Variants in KLHDC1 observed in about 807,000 individuals in gnomAD.
The protein encoded by KLHDC1 is kelch domain-containing protein 1.
In KLHDC1, 53 loss-of-function variants were observed where a neutral mutation model predicts 68.3. The observed-to-expected ratio is 0.78, with a 90% confidence interval of 0.62 to 0.98. KLHDC1 has a LOEUF of 0.98. Ranked by LOEUF, KLHDC1 falls within the 50% of genes least tolerant of loss-of-function variation. The probability of loss-of-function intolerance (pLI) is 0.00; values close to 1 mark genes in which losing one functional copy is unlikely to be tolerated. For synonymous variants in KLHDC1, 148 were observed against 159.0 expected (o/e 0.93, Z 0.52); for missense variants, 470 against 492.3 (o/e 0.95, Z 0.43).
chr14:49,709,116 T>A, intron 1 of KLHDC1, 43 bp from the exon 2 acceptor site: 1 of 830,562 alleles, frequency 1.2e-6, no homozygotes, highest in Non-Finnish European at 2.0e-6. Context: ...AACTGTTTGC[T>A]GTGTAACTGA....
intron 10 of KLHDC1, among the ~76,000 whole-genome samples, chr14:49,736,526 G>GT (rs1888933433): frequency 6.6e-6 from 1 of 152,154 alleles, no homozygotes; most frequent in Non-Finnish European, 1.5e-5. Flanking sequence ...ACAGTTGAGT[G>GT]TAAGGAGAAC....
Position 49,715,826 on chromosome 14 carries a change from A to G in KLHDC1, c.404+5445A>G, listed in dbSNP as rs190168383. ...CCTTACCTTTTAAACCTAGATGTTT[A>G]TGAGCAATGAATATTGATTTTTATT... On this transcript the variant is annotated intron_variant, in intron 4 of 12. Transcript: ENST00000359332. Among the ~76,000 whole-genome samples the G allele has an allele frequency of 2.7e-5, 4 of 148,650 alleles. No homozygotes were observed. The East Asian group carries it at 7.8e-4, about 29-fold the overall frequency.
chr14:49,714,809 A>G (rs1476736002), intron 4 of KLHDC1, among the ~76,000 whole-genome samples: 2 of 149,398 alleles, frequency 1.3e-5, no homozygotes, highest in Non-Finnish European at 3.0e-5. Flanking sequence ...GTTATATAAC[A>G]TATACTTTAG....
At chr14:49,695,425 T>C in intron 1 of KLHDC1, among the ~76,000 whole-genome samples, 1 of 151,836 alleles carries the variant, frequency 6.6e-6, no homozygotes, top group East Asian at 1.9e-4. Context: ...TCAGAGCTCT[T>C]GGGTGACTAG....
At chr14:49,714,756 C>T (rs2139743764) in intron 4 of KLHDC1, among the ~76,000 whole-genome samples, 1 of 150,998 alleles carries the variant, frequency 6.6e-6, no homozygotes, top group Admixed American at 6.6e-5. Flanking sequence ...GACTCAAATA[C>T]TCTGACTCAT....
chr14:49,751,813 T>A lies in KLHDC1; in HGVS notation c.*41T>A, dbSNP rs1889327433. On this transcript the variant is annotated 3_prime_UTR_variant, in exon 13 of 13. Transcript: ENST00000359332. ...ACATATTTAGTATGTTTTAACTTTT[T>A]AATCAGACTATACATTTACACTCCC... 1 of 1,087,774 alleles carries A rather than the reference T, an allele frequency of 9.2e-7. No individual in the cohort carries two copies. The allele number at this position is 1,087,774 out of a possible 1,614,324, so 67.4% of individuals were successfully genotyped here. A position where few individuals can be genotyped will look rare whatever the true frequency, so the allele number is the denominator to read the frequency against.
intron 8 of KLHDC1, among the ~76,000 whole-genome samples, chr14:49,729,795 G>T (rs992317468): frequency 1.3e-5 from 2 of 152,210 alleles, no homozygotes; most frequent in Non-Finnish European, 2.9e-5. Context: ...AGTTTTTGAG[G>T]ATTGATCAGT....
At chr14:49,704,856 A>C (rs1420466934) in intron 1 of KLHDC1, among the ~76,000 whole-genome samples, 1 of 152,154 alleles carries the variant, frequency 6.6e-6, no homozygotes, top group African/African-American at 2.4e-5. Context: ...CTCAATCAAT[A>C]AATATTTTAT....
intron 4 of KLHDC1, among the ~76,000 whole-genome samples, chr14:49,711,654 A>G (rs1215256114): frequency 6.6e-6 from 1 of 151,938 alleles, no homozygotes; most frequent in Non-Finnish European, 1.5e-5. Context: ...CCTAATTTCT[A>G]ACAATTCTGT....
chr14:49,702,316 A>G (rs142619638), intron 1 of KLHDC1, among the ~76,000 whole-genome samples: 105 of 152,352 alleles, frequency 6.9e-4, no homozygotes, highest in Non-Finnish European at 1.1e-3. Context: ...CAAAGATGAG[A>G]AAGAATTCTG....
chr14:49,745,684 A>G lies in KLHDC1; in HGVS notation c.1034+1879A>G, dbSNP rs547281873. ...AGAATTTGCCATGAACAAACAGTGC[A>G]AGGGTGTTAGTGTAAAGATATATAC... On this transcript the variant is annotated intron_variant, in intron 12 of 12. Coordinates refer to ENST00000359332, the MANE Select transcript of KLHDC1 (RefSeq NM_172193.3). 2.6e-4 allele frequency among the ~76,000 whole-genome samples: 40 copies of G among 152,364 alleles called. 1 individual carries two copies. The South Asian group carries it at 7.0e-3, about 27-fold the overall frequency.
chr14:49,718,849 G>A lies in KLHDC1; in HGVS notation c.405-5025G>A, dbSNP rs187356448. ...TGCCCAGGTTGGAGTGCAGTGGCGC[G>A]ATCCTAGCTCACTGTTTCCTGGGTT... is the stretch of plus-strand genomic sequence containing the variant. On this transcript the variant is annotated intron_variant, in intron 4 of 12. Coordinates refer to ENST00000359332, the MANE Select transcript of KLHDC1 (RefSeq NM_172193.3). Among the ~76,000 whole-genome samples the A allele has an allele frequency of 5.4e-3, 716 of 132,062 alleles. 3 individuals are homozygous for A. The highest frequency in any genetic ancestry group is 0.017 in the African/African-American group (619 of 35,516). The allele number at this position is 132,062 out of a possible 152,430, so 86.6% of individuals were successfully genotyped here. A position where few individuals can be genotyped will look rare whatever the true frequency, so the allele number is the denominator to read the frequency against.
At position 49,709,780 on chromosome 14, in the gene KLHDC1, A is replaced by G. The variant is rs765832224; in HGVS notation, c.239A>G (p.Lys80Arg). The G allele has an allele frequency of 3.3e-5, 53 of 1,604,576 alleles. No homozygotes were observed. The highest frequency in any genetic ancestry group is 2.8e-4 in the South Asian group (25 of 89,632). ...AGCTGTGGTGCTTGCATTAATGGAA[A>G]GCTGTACATTTTTGGAGGATATGAT... The part of the protein sequence containing the change: ...SGSCGACING[K>R]LYIFGGYDDK... Residue 80 changes from lysine to arginine, a missense_variant, in exon 3 of 13, where the codon AAG (lysine) becomes AGG (arginine). By Grantham distance (26) the Lys-to-Arg change is conservative (BLOSUM62 2). Transcript: ENST00000359332.
chr14:49,726,535 T>C (rs1164098321), intron 6 of KLHDC1, among the ~76,000 whole-genome samples: 2 of 152,260 alleles, frequency 1.3e-5, no homozygotes, highest in Non-Finnish European at 2.9e-5. Flanking sequence ...TTAATAAAGG[T>C]CTATTTTTAA....
rs1375518684 is a variant in KLHDC1, at chr14:49,752,324, T to A, written c.*552T>A. 1 of 152,502 alleles carries A rather than the reference T, an allele frequency of 6.6e-6. No homozygotes were observed. Among genetic ancestry groups the A allele is most frequent in the Non-Finnish European group, 1.5e-5 (1 of 67,934 alleles). The allele number at this position is 152,502 out of a possible 1,614,324, so 9.4% of individuals were successfully genotyped here. ...TTTTCGACACTTACCTAGTAAAGTA[T>A]TCTTAGGCATCATCATAACTTTTCC... On this transcript the variant is annotated 3_prime_UTR_variant, in exon 13 of 13. Coordinates refer to ENST00000359332, the MANE Select transcript of KLHDC1 (RefSeq NM_172193.3).
intron 12 of KLHDC1, among the ~76,000 whole-genome samples, chr14:49,747,380 G>A (rs1889226474): frequency 6.6e-6 from 1 of 152,222 alleles, no homozygotes; most frequent in South Asian, 2.1e-4. Context: ...GAGGGAGGAT[G>A]AGTATGTTTG....
chr14:49,725,820 T>C, intron 6 of KLHDC1, 51 bp downstream of exon 6: 2 of 957,762 alleles, frequency 2.1e-6, no homozygotes, highest in Non-Finnish European at 3.1e-6. Flanking sequence ...AAAATAAATT[T>C]TTTACTGTGG....
rs866077482 is a variant in KLHDC1 at position 49,725,705 on chromosome 14, G to T, written c.503G>T (p.Gly168Val). The change falls in exon 6 of 13, where the codon GGA becomes GTA. Residue 168 changes from glycine to valine, a missense_variant. By Grantham distance (109) the Gly-to-Val change is moderately radical. Coordinates refer to ENST00000359332, the MANE Select transcript of KLHDC1 (RefSeq NM_172193.3). ...DASWEEQIFW[G>V]WHNDVHIFDT... ...TTTTAGGAAGAGCAGATATTCTGGGGATGGCATAATGATGTCCACATATTT... is the reference window on the plus strand; with the variant it reads ...TTTTAGGAAGAGCAGATATTCTGGGTATGGCATAATGATGTCCACATATTT... 1.4e-6 allele frequency: 2 copies of T among 1,420,380 alleles called. No homozygotes were observed. The highest frequency in any genetic ancestry group is 1.9e-6 in the Non-Finnish European group (2 of 1,078,770). 88.0% of individuals were successfully genotyped at this position (1,420,380 alleles called of 1,614,324 possible).
intron 4 of KLHDC1, among the ~76,000 whole-genome samples, chr14:49,711,703 T>TG (rs1888205224): frequency 6.6e-6 from 1 of 152,092 alleles, no homozygotes; most frequent in Non-Finnish European, 1.5e-5. Context: ...ACTCTGTTAT[T>TG]TGAGTTCTTA....
Sources: allele counts gnomAD v4.1 joint callset (sites outside exome capture counted in the v4.1 genomes callset), GRCh38; gene constraint gnomAD v4.1.1; transcripts MANE v1.5; gene names NCBI Gene and HGNC (gene_info 2026-07-23, HGNC 2026-07-21).